The following CHLSN variants were observed in gnomAD, a reference collection of about 807,000 sequenced individuals.
CHLSN encodes protein cholesin.
the CHLSN span, among the ~76,000 whole-genome samples, chr7:1,075,061 T>C: frequency 6.6e-6 from 1 of 152,202 alleles, no homozygotes; most frequent in Non-Finnish European, 1.5e-5. Context: ...CCGAAAGGTC[T>C]GTGCAGGGGC....
the CHLSN span, among the ~76,000 whole-genome samples, chr7:1,071,456 C>T: frequency 2.0e-5 from 3 of 152,116 alleles, no homozygotes; most frequent in African/African-American, 7.2e-5. Flanking sequence ...GGCCTGGGCA[C>T]TGGTGGGGGC....
the CHLSN span, among the ~76,000 whole-genome samples, chr7:1,071,045 C>T: frequency 6.6e-6 from 1 of 152,366 alleles, no homozygotes; most frequent in African/African-American, 2.4e-5. Context: ...CATGCAGCCC[C>T]GAGGCAGTGC....
the CHLSN span, among the ~76,000 whole-genome samples, chr7:1,113,692 T>A: frequency 6.6e-6 from 1 of 152,114 alleles, no homozygotes; most frequent in Non-Finnish European, 1.5e-5. Flanking sequence ...CAGGACAGAC[T>A]CATTACCTCC....
chr7:1,002,623 G>T, the CHLSN span, among the ~76,000 whole-genome samples: 1 of 134,632 alleles, frequency 7.4e-6, no homozygotes, highest in Non-Finnish European at 1.6e-5. Flanking sequence ...TCCTGCGGGT[G>T]GGGAGTCCTG....
the CHLSN span, chr7:997,642 G>C: frequency 6.2e-7 from 1 of 1,607,422 alleles, no homozygotes; most frequent in South Asian, 1.1e-5. Flanking sequence ...AGCAGCTGCA[G>C]CACCTGTCGG....
the CHLSN span, among the ~76,000 whole-genome samples, chr7:992,157 C>T: frequency 6.6e-6 from 1 of 152,252 alleles, no homozygotes; most frequent in Middle Eastern, 3.4e-3. Context: ...CTGTCCTCAG[C>T]AGCAGGAGGG....
chr7:978,119 C>A, the CHLSN span, among the ~76,000 whole-genome samples: 1 of 152,160 alleles, frequency 6.6e-6, no homozygotes, highest in Non-Finnish European at 1.5e-5. Flanking sequence ...AGGTGACAAC[C>A]GGCTTTTAAT....
chr7:1,133,493 G>C, the CHLSN span, among the ~76,000 whole-genome samples: 4 of 151,522 alleles, frequency 2.6e-5, no homozygotes, highest in Non-Finnish European at 5.9e-5. Context: ...GCTCACGCCT[G>C]TAATCCCAGC....
At chr7:1,108,728 C>T in the CHLSN span, among the ~76,000 whole-genome samples, 7 of 152,132 alleles carry the variant, frequency 4.6e-5, no homozygotes, top group African/African-American at 1.2e-4. Context: ...CCCGGGTTGC[C>T]GTGTCACTGC....
chr7:1,080,969 G>C, the CHLSN span: 1 of 152,960 alleles, frequency 6.5e-6, no homozygotes, highest in South Asian at 2.1e-4. Context: ...CCAGGGTGCA[G>C]GGGGCCAGGT....
chr7:1,077,722 G>A, the CHLSN span: 1 of 152,292 alleles, frequency 6.6e-6, no homozygotes, highest in Non-Finnish European at 1.5e-5. Flanking sequence ...TGTGGTGTGA[G>A]CGGCTTCAGA....
At chr7:1,006,090 G>A in the CHLSN span, among the ~76,000 whole-genome samples, 6 of 152,340 alleles carry the variant, frequency 3.9e-5, no homozygotes, top group East Asian at 3.9e-4. Flanking sequence ...AGGCTTGCCC[G>A]CTGACAGCCG....
the CHLSN span, among the ~76,000 whole-genome samples, chr7:1,133,751 C>CA: frequency 0.32 from 36,804 of 114,442 alleles, 5,331 homozygotes; most frequent in African/African-American, 0.38. Context: ...GACTCCATCT[C>CA]AAAAAAAAAA....
chr7:1,060,025 A>AGCGGGTCCGTAGTGAG, the CHLSN span, among the ~76,000 whole-genome samples: 7 of 16,902 alleles, frequency 4.1e-4, no homozygotes, highest in Non-Finnish European at 3.3e-4. Flanking sequence ...TCCGTAGTGA[A>AGCGGGTCCGTAGTGAG]GCGGGTCCGT....
At chr7:1,001,767 G>A in the CHLSN span, among the ~76,000 whole-genome samples, 5 of 126,500 alleles carry the variant, frequency 4.0e-5, no homozygotes, top group African/African-American at 6.2e-5. Flanking sequence ...GGAGTCCTGC[G>A]GGTGAGTGGA....
At chr7:1,078,504 T>C in the CHLSN span, among the ~76,000 whole-genome samples, 1 of 152,206 alleles carries the variant, frequency 6.6e-6, no homozygotes. Flanking sequence ...AGGCAGGCGC[T>C]GCGCTCAGGT....
At chr7:1,066,885 T>G in the CHLSN span, among the ~76,000 whole-genome samples, 1 of 144,032 alleles carries the variant, frequency 6.9e-6, no homozygotes, top group South Asian at 2.3e-4. Flanking sequence ...GAGGTGAGGG[T>G]TTGGGGCACA....
the CHLSN span, among the ~76,000 whole-genome samples, chr7:996,670 C>T: frequency 7.9e-5 from 12 of 152,332 alleles, no homozygotes; most frequent in South Asian, 4.1e-4. Context: ...CAGAGCTCTG[C>T]GGTCACCACG....
the CHLSN span, among the ~76,000 whole-genome samples, chr7:1,097,468 A>G: frequency 0.048 from 7,349 of 152,274 alleles, 475 homozygotes; most frequent in African/African-American, 0.15. The surrounding 1 kb of genome is among the most constrained non-coding windows in gnomAD (Gnocchi z 4.3). Context: ...CTACTCCAAC[A>G]ACAAACAGAC....
Sources: allele counts gnomAD v4.1 joint callset (sites outside exome capture counted in the v4.1 genomes callset), GRCh38; gene constraint gnomAD v4.1.1; non-coding constraint Gnocchi (gnomAD v3.1); transcripts MANE v1.5; gene names NCBI Gene and HGNC (gene_info 2026-07-23, HGNC 2026-07-21).